The following SETD3 variants were observed in gnomAD, a reference collection of about 807,000 sequenced individuals.
The protein encoded by SETD3 is actin-histidine N-methyltransferase.
SETD3 carries 19 observed loss-of-function variants against 63.0 expected under a neutral mutation model. The observed-to-expected ratio is 0.30, with a 90% confidence interval of 0.21 to 0.44. The LOEUF is 0.44. Among genes scored for constraint, SETD3 ranks in the 20% least tolerant of loss-of-function variants. SETD3 has a pLI of 1.00. For synonymous variants in SETD3, 286 were observed against 264.1 expected (o/e 1.08, Z -0.80); for missense variants, 587 against 728.5 (o/e 0.81, Z 2.24).
intron 6 of SETD3, among the ~76,000 whole-genome samples, chr14:99,418,305 G>C (rs1337356790): frequency 6.6e-6 from 1 of 152,070 alleles, no homozygotes; most frequent in African/African-American, 2.4e-5. Context: ...CTAAAATCCA[G>C]CTGGATCTTG....
chr14:99,411,737 C>CA (rs1892004407), intron 8 of SETD3: 1 of 151,840 alleles, frequency 6.6e-6, no homozygotes, highest in Non-Finnish European at 1.5e-5. Context: ...AAAAACAAAA[C>CA]AAAAAATGTA....
intron 6 of SETD3, among the ~76,000 whole-genome samples, chr14:99,415,586 G>C (rs1466129084): frequency 6.6e-6 from 1 of 151,404 alleles, no homozygotes; most frequent in African/African-American, 2.4e-5. Flanking sequence ...TCACAGTCCT[G>C]ATGAAATCAT....
At position 99,435,924 on chromosome 14, in the gene SETD3, C is replaced by T. The variant is rs997495587; in HGVS notation, c.676-21990G>A. Among the ~76,000 whole-genome samples, 5 of 152,092 alleles carry T rather than the reference C, an allele frequency of 3.3e-5. No homozygotes were observed. The East Asian group carries it at 5.8e-4, about 18-fold the overall frequency. The stretch of plus-strand genomic sequence containing the variant: ...CACTGCGATGAAGAACTGCCCAAGA[C>T]GGGGTAGTTTATAAAGCTAAGAGGT... On this transcript the variant is annotated intron_variant, in intron 6 of 12. Coordinates refer to ENST00000331768, the MANE Select transcript of SETD3 (RefSeq NM_032233.3).
At chr14:99,479,373 T>G (rs1896139712) in intron 1 of SETD3, among the ~76,000 whole-genome samples, 2 of 152,234 alleles carry the variant, frequency 1.3e-5, no homozygotes, top group African/African-American at 4.8e-5. Context: ...TTGGGACTAA[T>G]CCAGTACTGC....
Position 99,407,554 on chromosome 14 carries a change from G to A in SETD3, c.850-964C>T, listed in dbSNP as rs116856891. 1.4e-3 allele frequency among the ~76,000 whole-genome samples: 214 copies of A among 152,174 alleles called. No individual in the cohort carries two copies. The Middle Eastern group carries it at 0.017, about 12-fold the overall frequency. On this transcript the variant is annotated intron_variant, in intron 8 of 12. Coordinates refer to ENST00000331768, the MANE Select transcript of SETD3 (RefSeq NM_032233.3). Reference sequence around the variant, plus strand: ...CTGTTCAAAATCTTCCTATGATTCCGCTCTGCCTTCGGAATAAACCCCAAG... The same window carrying A: ...CTGTTCAAAATCTTCCTATGATTCCACTCTGCCTTCGGAATAAACCCCAAG...
At chr14:99,410,805 T>C (rs1417011400) in intron 8 of SETD3, among the ~76,000 whole-genome samples, 1 of 152,240 alleles carries the variant, frequency 6.6e-6, no homozygotes, top group South Asian at 2.1e-4. Context: ...ACTGACTTGA[T>C]TCTTCTGTTT....
At chr14:99,475,171 C>T (rs1005697464) in intron 1 of SETD3, among the ~76,000 whole-genome samples, 1 of 152,168 alleles carries the variant, frequency 6.6e-6, no homozygotes, top group Non-Finnish European at 1.5e-5. Flanking sequence ...TTCAAACCAC[C>T]CACATTCCTT....
intron 6 of SETD3, among the ~76,000 whole-genome samples, chr14:99,427,938 T>G (rs1191156569): frequency 6.6e-6 from 1 of 152,140 alleles, no homozygotes; most frequent in Non-Finnish European, 1.5e-5. Context: ...GGCAGGATTT[T>G]CCATGTGGGA....
rs142003205 is a variant in SETD3 at position 99,441,570 on chromosome 14, C to A, written c.675+16709G>T. Among the ~76,000 whole-genome samples, 129 of 152,350 alleles carry A rather than the reference C, an allele frequency of 8.5e-4. 1 individual carries two copies. Among genetic ancestry groups the A allele is most frequent in the Non-Finnish European group, 1.6e-3 (106 of 68,038 alleles). On this transcript the variant is annotated intron_variant, in intron 6 of 12. Transcript: ENST00000331768. ...CACGCTAGCACAGATGTCAGGGGGT[C>A]TTCACGGTCAGAAGAGACTCTATGC... is the stretch of plus-strand genomic sequence containing the variant.
chr14:99,443,271 T>C (rs1893938625), intron 6 of SETD3, among the ~76,000 whole-genome samples: 1 of 148,640 alleles, frequency 6.7e-6, no homozygotes, highest in African/African-American at 2.5e-5. Context: ...TTTTTTTTTT[T>C]TTTTTTTGAG....
intron 8 of SETD3, chr14:99,411,230 G>C (rs1243523212): frequency 6.6e-6 from 1 of 152,216 alleles, no homozygotes. Context: ...TGCCAGGACT[G>C]TGGTAGGTTA....
At chr14:99,475,686 A>G (rs1252102608) in intron 1 of SETD3, among the ~76,000 whole-genome samples, 1 of 152,240 alleles carries the variant, frequency 6.6e-6, no homozygotes, top group Non-Finnish European at 1.5e-5. Flanking sequence ...TAAGTCAACA[A>G]AACCCTTCAG....
intron 1 of SETD3, among the ~76,000 whole-genome samples, chr14:99,479,931 G>A (rs1480357230): frequency 6.6e-6 from 1 of 151,616 alleles, no homozygotes; most frequent in African/African-American, 2.4e-5. Flanking sequence ...GCGCGTCACT[G>A]TCAGCTCCTT....
intron 6 of SETD3, among the ~76,000 whole-genome samples, chr14:99,449,248 T>C (rs1894314618): frequency 1.3e-5 from 2 of 152,158 alleles, no homozygotes; most frequent in African/African-American, 2.4e-5. Flanking sequence ...AAAATCATGA[T>C]AGATACAAAA....
intron 8 of SETD3, chr14:99,409,991 A>C: frequency 2.3e-6 from 1 of 440,606 alleles, no homozygotes; most frequent in Non-Finnish European, 4.1e-6. Context: ...GGGGGGGTGA[A>C]CCAACAATAA....
chr14:99,460,066 G>C (rs1174112149), intron 4 of SETD3, among the ~76,000 whole-genome samples: 1 of 152,196 alleles, frequency 6.6e-6, no homozygotes, highest in Non-Finnish European at 1.5e-5. Context: ...AGAAGAACAT[G>C]TGGCATCTTG....
intron 6 of SETD3, among the ~76,000 whole-genome samples, chr14:99,448,339 A>C (rs1363949687): frequency 6.6e-6 from 1 of 152,204 alleles, no homozygotes; most frequent in Non-Finnish European, 1.5e-5. Flanking sequence ...CAGAAGCGTC[A>C]TCTGCAGCTC....
chr14:99,434,754 G>A (rs1205889245), intron 6 of SETD3, among the ~76,000 whole-genome samples: 1 of 144,842 alleles, frequency 6.9e-6, no homozygotes, highest in African/African-American at 2.6e-5. Context: ...GGCTAAGGAA[G>A]GAGAATTGCT....
chr14:99,481,217 G>A (rs1221448364), upstream of SETD3: 4 of 393,428 alleles, frequency 1.0e-5, no homozygotes, highest in Admixed American at 1.8e-4. Flanking sequence ...CCGACGGGAT[G>A]GGCCCTGTGG....
Sources: gnomAD v4.1 joint callset for allele counts (sites outside exome capture counted in the v4.1 genomes callset) on GRCh38, gnomAD v4.1.1 for gene constraint, MANE v1.5 for transcripts, NCBI Gene and HGNC (gene_info 2026-07-23, HGNC 2026-07-21) for gene names.